The following MAP2K4 variants were observed in gnomAD, a reference collection of about 807,000 sequenced individuals.
The protein encoded by MAP2K4 is dual specificity mitogen-activated protein kinase kinase 4.
MAP2K4 carries 4 observed loss-of-function variants against 48.5 expected under a neutral mutation model. The ratio of observed to expected loss-of-function variants is 0.08; its 90% CI spans 0.04 to 0.19. MAP2K4 has a LOEUF of 0.19. MAP2K4 is among the 10% of genes least tolerant of loss of function. MAP2K4 has a pLI of 1.00. For synonymous variants in MAP2K4, 166 were observed against 173.1 expected, an observed-to-expected ratio of 0.96 and a Z score of 0.32; for missense variants, 258 against 493.3, an observed-to-expected ratio of 0.52 and a Z score of 4.52.
At chr17:12,073,788 T>TC (rs904933173) in intron 2 of MAP2K4, among the ~76,000 whole-genome samples, 1 of 149,958 alleles carries the variant, frequency 6.7e-6, no homozygotes, top group South Asian at 2.1e-4. Flanking sequence ...TTTTTTTTTT[T>TC]CTGAGACGGA....
At chr17:12,032,291 G>A in intron 1 of MAP2K4, 2 of 1,395,426 alleles carry the variant, frequency 1.4e-6, no homozygotes, top group East Asian at 2.6e-5. Flanking sequence ...TCTGTGAAAA[G>A]GCACAAAGTA....
At chr17:12,049,271 A>G (rs1349535864) in intron 1 of MAP2K4, among the ~76,000 whole-genome samples, 1 of 152,236 alleles carries the variant, frequency 6.6e-6, no homozygotes, top group Non-Finnish European at 1.5e-5. Context: ...AATACTTGTA[A>G]GTCAAATACC....
chr17:12,140,779 C>A (rs1234106124), intron 10 of MAP2K4, among the ~76,000 whole-genome samples: 1 of 152,162 alleles, frequency 6.6e-6, no homozygotes, highest in African/African-American at 2.4e-5. Context: ...TAGTGACTGG[C>A]ATTTGCGTCA....
intron 3 of MAP2K4, among the ~76,000 whole-genome samples, chr17:12,086,877 C>T (rs983250568): frequency 2.6e-5 from 4 of 151,166 alleles, no homozygotes; most frequent in Non-Finnish European, 5.9e-5. Flanking sequence ...GAGACAGTTT[C>T]ACTGCGTCGC....
At chr17:12,066,728 C>T (rs1028808150) in intron 2 of MAP2K4, among the ~76,000 whole-genome samples, 4 of 152,052 alleles carry the variant, frequency 2.6e-5, no homozygotes, top group African/African-American at 7.2e-5. Context: ...CTCGTTCTGT[C>T]GCCCAGGCGG....
chr17:12,121,270 A>ATAT (rs1290860815), intron 7 of MAP2K4, among the ~76,000 whole-genome samples: 1 of 152,226 alleles, frequency 6.6e-6, no homozygotes, highest in Non-Finnish European at 1.5e-5. Context: ...TCCCCAAGAT[A>ATAT]TATTATTATG....
chr17:12,034,790 C>T lies in MAP2K4; in HGVS notation c.115+13789C>T, dbSNP rs189649874. On this transcript the variant is annotated intron_variant, in intron 1 of 10. Coordinates refer to ENST00000353533, the MANE Select transcript of MAP2K4 (RefSeq NM_003010.4). ...CCTGGTCACCTTTGCTCCTGCTGTT[C>T]TCTCATGAGAGAGAATGAGCATAAA... 2.1e-3 allele frequency among the ~76,000 whole-genome samples: 317 copies of T among 152,322 alleles called. 2 individuals carry two copies. Among genetic ancestry groups the T allele is most frequent in the African/African-American group, 7.2e-3 (301 of 41,586 alleles).
rs1261317188 is a variant in MAP2K4, at chr17:12,081,892, C to T, written c.393+362C>T. On this transcript the variant is annotated intron_variant, in intron 3 of 10. Transcript: ENST00000353533. This position sits in a 1 kb window ranked among gnomAD's most constrained non-coding sequence, Gnocchi z 4.2. ...GCGGGAGCTGGAAGAAGACGCAGCA[C>T]ACTGGGTTGGGCAAGGTGCGGGGCT... 3 of 540,588 alleles carry T rather than the reference C, an allele frequency of 5.5e-6. No homozygotes were observed. The highest frequency in any genetic ancestry group is 1.9e-5 in the African/African-American group (1 of 52,336). The allele number at this position is 540,588 out of a possible 1,614,324, so 33.5% of individuals were successfully genotyped here.
chr17:12,033,824 T>C (rs894954130), intron 1 of MAP2K4, among the ~76,000 whole-genome samples: 2 of 152,210 alleles, frequency 1.3e-5, no homozygotes, highest in African/African-American at 4.8e-5. Context: ...CTATTTTTGT[T>C]CATTTCGGAG....
intron 4 of MAP2K4, among the ~76,000 whole-genome samples, chr17:12,100,438 A>G (rs902956219): frequency 6.6e-6 from 1 of 152,038 alleles, no homozygotes; most frequent in Non-Finnish European, 1.5e-5. Flanking sequence ...CATTATGCAG[A>G]TCTATCAGTT....
chr17:12,124,926 C>T (rs574040372), intron 7 of MAP2K4: 5 of 199,702 alleles, frequency 2.5e-5, no homozygotes, highest in Non-Finnish European at 4.2e-5. Flanking sequence ...CCACCCGCTT[C>T]GGCCTCCCAA....
At chr17:12,041,112 A>T (rs1410863332) in intron 1 of MAP2K4, among the ~76,000 whole-genome samples, 1 of 152,248 alleles carries the variant, frequency 6.6e-6, no homozygotes, top group Non-Finnish European at 1.5e-5. Flanking sequence ...TTCTTAATTT[A>T]GTCCAACCTT....
intron 9 of MAP2K4, among the ~76,000 whole-genome samples, chr17:12,138,425 A>T (rs1368758614): frequency 6.6e-6 from 1 of 152,180 alleles, no homozygotes. Context: ...AATGTTATTA[A>T]GAAAATCATA....
chr17:12,030,578 G>A (rs781148503), intron 1 of MAP2K4, among the ~76,000 whole-genome samples: 24 of 152,242 alleles, frequency 1.6e-4, no homozygotes, highest in Non-Finnish European at 2.5e-4. Context: ...AATCATTGGC[G>A]ACATTCTGTC....
intron 2 of MAP2K4, among the ~76,000 whole-genome samples, chr17:12,059,705 A>G (rs1293230337): frequency 1.3e-5 from 2 of 152,242 alleles, no homozygotes; most frequent in Non-Finnish European, 2.9e-5. Flanking sequence ...ACAGAGACTC[A>G]GTTGTGCTAT....
At chr17:12,085,121 C>T (rs1971319090) in intron 3 of MAP2K4, among the ~76,000 whole-genome samples, 1 of 152,150 alleles carries the variant, frequency 6.6e-6, no homozygotes, top group Non-Finnish European at 1.5e-5. Context: ...TCCAGATTGA[C>T]TTCTTGAAGG....
At position 12,141,328 on chromosome 17, in the gene MAP2K4, C is replaced by G; in HGVS notation, c.*68C>G. 9.2e-7 allele frequency: 1 copy of G among 1,092,594 alleles called. No homozygotes were observed. The highest frequency in any genetic ancestry group is 1.7e-5 in the Admixed American group (1 of 58,586). The allele number at this position is 1,092,594 out of a possible 1,614,324, so 67.7% of individuals were successfully genotyped here. On this transcript the variant is annotated 3_prime_UTR_variant, in exon 11 of 11. Coordinates refer to ENST00000353533, the MANE Select transcript of MAP2K4 (RefSeq NM_003010.4). ...AGCAAGACGTAAAGAATTTTCATCCCGTATCACAGTGTTTTTATTGCTCGC... is the reference window on the plus strand; with the variant it reads ...AGCAAGACGTAAAGAATTTTCATCCGGTATCACAGTGTTTTTATTGCTCGC...
At chr17:12,123,192 A>G (rs1185283706) in intron 7 of MAP2K4, among the ~76,000 whole-genome samples, 1 of 152,128 alleles carries the variant, frequency 6.6e-6, no homozygotes, top group African/African-American at 2.4e-5. Context: ...GGCCAGTGTT[A>G]TTTCTCACGT....
intron 9 of MAP2K4, among the ~76,000 whole-genome samples, chr17:12,134,075 A>T (rs1973127972): frequency 6.6e-6 from 1 of 152,244 alleles, no homozygotes; most frequent in African/African-American, 2.4e-5. Flanking sequence ...CTGTTAGAGC[A>T]AATGCAAAAA....
Sources: gnomAD v4.1 joint callset for allele counts (sites outside exome capture counted in the v4.1 genomes callset) on GRCh38, gnomAD v4.1.1 for gene constraint, Gnocchi (gnomAD v3.1) non-coding constraint, MANE v1.5 for transcripts, NCBI Gene and HGNC (gene_info 2026-07-23, HGNC 2026-07-21) for gene names.